The following PKP2 variants were observed in gnomAD, a reference collection of about 807,000 sequenced individuals.
PKP2 encodes plakophilin-2.
In PKP2, 73 loss-of-function variants were observed where a neutral mutation model predicts 83.4. The observed-to-expected ratio is 0.88, with a 90% CI of 0.72 to 1.06. The LOEUF is 1.06. Ranked by LOEUF, PKP2 falls within the 50% of genes least tolerant of loss-of-function variation. The pLI is 0.00. For missense variants in PKP2, 966 were observed against 1,065.4 expected (o/e 0.91, Z 1.30); for synonymous variants, 409 against 430.4 (o/e 0.95, Z 0.62).
At position 32,869,004 on chromosome 12, in the gene PKP2, T is replaced by C. The variant is rs143900944; in HGVS notation, c.1093A>G (p.Met365Val). The C allele has an allele frequency of 2.1e-4, 342 of 1,613,784 alleles. 1 individual carries two copies. Among genetic ancestry groups the C allele is most frequent in the South Asian group, 1.3e-3 (116 of 91,066 alleles). ...GCAGCAGAAATCCTGGATGGCAGCA[T>C]GTGGTCTGCCTCGAGCATACTCACT... is the stretch of plus-strand genomic sequence containing the variant. ...RAVSMLEADH[M>V]LPSRISAAAT... The change falls in exon 4 of 13, where the codon ATG becomes GTG. Residue 365 changes from methionine to valine, a missense_variant. By Grantham distance (21) the Met-to-Val change is conservative. Transcript: ENST00000340811.
intron 9 of PKP2, among the ~76,000 whole-genome samples, chr12:32,804,627 G>A (rs1956212227): frequency 6.6e-6 from 1 of 152,174 alleles, no homozygotes; most frequent in South Asian, 2.1e-4. Flanking sequence ...CAAAGGACAT[G>A]ATCTCGTTCC....
chr12:32,808,818 A>G (rs1956249794), intron 9 of PKP2, among the ~76,000 whole-genome samples: 2 of 152,022 alleles, frequency 1.3e-5, no homozygotes, highest in African/African-American at 4.8e-5. Flanking sequence ...TCCAGACCTT[A>G]GTTGCCTCTG....
At chr12:32,887,576 TCCGAG>T (rs1957040821) in intron 1 of PKP2, among the ~76,000 whole-genome samples, 3 of 152,248 alleles carry the variant, frequency 2.0e-5, no homozygotes, top group Non-Finnish European at 2.9e-5. Flanking sequence ...GCCTCAGCCT[TCCGAG>T]TAGCTGGACT....
At chr12:32,797,573 T>TTTTTTTTTTTTTA (rs1956138962) in intron 10 of PKP2, among the ~76,000 whole-genome samples, 2 of 150,740 alleles carry the variant, frequency 1.3e-5, no homozygotes, top group East Asian at 2.0e-4. Context: ...TTTTTTTTTT[T>TTTTTTTTTTTTTA]GAAACAGAGT....
At chr12:32,829,940 C>T (rs942856721) in intron 6 of PKP2, among the ~76,000 whole-genome samples, 7 of 152,218 alleles carry the variant, frequency 4.6e-5, no homozygotes, top group Admixed American at 2.6e-4. Flanking sequence ...GGATTACAGG[C>T]GTAAACCACT....
At chr12:32,882,077 C>G (rs1215825062) in intron 1 of PKP2, among the ~76,000 whole-genome samples, 5 of 152,136 alleles carry the variant, frequency 3.3e-5, no homozygotes, top group Non-Finnish European at 7.3e-5. Context: ...ACACTATCCC[C>G]ACCCCCAATA....
chr12:32,885,474 G>A (rs2137974563), intron 1 of PKP2, among the ~76,000 whole-genome samples: 1 of 152,176 alleles, frequency 6.6e-6, no homozygotes, highest in Admixed American at 6.5e-5. Flanking sequence ...GCCAACACGG[G>A]GAAAGCCTGT....
intron 5 of PKP2, among the ~76,000 whole-genome samples, chr12:32,842,272 C>G (rs900076707): frequency 6.6e-6 from 1 of 152,112 alleles, no homozygotes. Context: ...CTGCGTCTCA[C>G]TCTATTGCCC....
intron 4 of PKP2, among the ~76,000 whole-genome samples, chr12:32,853,826 A>G (rs1956722136): frequency 6.6e-6 from 1 of 152,204 alleles, no homozygotes; most frequent in African/African-American, 2.4e-5. Flanking sequence ...CCTCCTTTTA[A>G]TAAGTTAAAC....
At chr12:32,824,326 A>G (rs1725100571) in intron 6 of PKP2, 164 bp from the exon 7 acceptor site, 1 of 656,828 alleles carries the variant, frequency 1.5e-6, no homozygotes, top group Admixed American at 2.3e-5. Flanking sequence ...TGCTTAATAG[A>G]TCAACTATGA....
intron 9 of PKP2, among the ~76,000 whole-genome samples, chr12:32,811,818 G>A (rs866497726): frequency 6.6e-6 from 1 of 152,184 alleles, no homozygotes; most frequent in African/African-American, 2.4e-5. Context: ...TTCTGTGCTA[G>A]AGGTAAACAT....
intron 9 of PKP2, among the ~76,000 whole-genome samples, chr12:32,804,480 T>C (rs761273047): frequency 1.6e-4 from 25 of 152,286 alleles, no homozygotes; most frequent in South Asian, 1.4e-3. Flanking sequence ...GGCCCCAGTG[T>C]GTGTAGTTCC....
At chr12:32,848,161 G>A (rs1269390156) in intron 5 of PKP2, among the ~76,000 whole-genome samples, 1 of 152,190 alleles carries the variant, frequency 6.6e-6, no homozygotes, top group Non-Finnish European at 1.5e-5. Context: ...GGTGGCTCAC[G>A]CTTGTAATCC....
rs549779151 is a variant in PKP2, at chr12:32,792,050, C to A, written c.*374G>T. On this transcript the variant is annotated 3_prime_UTR_variant, in exon 13 of 13. Transcript: ENST00000340811. Reference sequence around the variant, plus strand: ...GCACATGAGTGACAAAACATGGGAACCAGAAAAGGAATATAAATGTAAATC... The same window carrying A: ...GCACATGAGTGACAAAACATGGGAAACAGAAAAGGAATATAAATGTAAATC... 1.6e-4 allele frequency: 52 copies of A among 331,438 alleles called. No individual in the cohort carries two copies. Among genetic ancestry groups the A allele is most frequent in the South Asian group, 1.4e-3 (52 of 37,622 alleles). The allele number at this position is 331,438 out of a possible 1,614,324, so 20.5% of individuals were successfully genotyped here.
intron 3 of PKP2, among the ~76,000 whole-genome samples, chr12:32,872,566 T>G (rs1956903941): frequency 6.6e-6 from 1 of 151,876 alleles, no homozygotes; most frequent in South Asian, 2.1e-4. Context: ...ACCCAGTAAC[T>G]TGTGTGCGTG....
intron 9 of PKP2, among the ~76,000 whole-genome samples, chr12:32,803,838 C>T (rs368661349): frequency 1.6e-4 from 24 of 152,214 alleles, no homozygotes; most frequent in East Asian, 9.6e-4. Flanking sequence ...AGTTTATATA[C>T]GAGGAGCCAC....
chr12:32,867,784 G>C (rs1956862089), intron 4 of PKP2, among the ~76,000 whole-genome samples: 1 of 152,226 alleles, frequency 6.6e-6, no homozygotes, highest in Non-Finnish European at 1.5e-5. Context: ...GTGTGAGAGA[G>C]ATTGAAAGAG....
intron 11 of PKP2, among the ~76,000 whole-genome samples, chr12:32,793,753 G>A (rs1321036002): frequency 1.3e-5 from 2 of 149,690 alleles, no homozygotes; most frequent in African/African-American, 2.5e-5. Flanking sequence ...ATGCCACCAC[G>A]CCAGGCTAAT....
intron 5 of PKP2, among the ~76,000 whole-genome samples, chr12:32,846,563 G>A (rs1956646317): frequency 6.6e-6 from 1 of 151,894 alleles, no homozygotes; most frequent in South Asian, 2.1e-4. Flanking sequence ...TGACCAACAT[G>A]GAGAAACCTC....
Sources: gnomAD v4.1 joint callset for allele counts (sites outside exome capture counted in the v4.1 genomes callset) on GRCh38, gnomAD v4.1.1 for gene constraint, MANE v1.5 for transcripts, NCBI Gene and HGNC (gene_info 2026-07-23, HGNC 2026-07-21) for gene names.